The following FAM90A12 variants were observed in gnomAD, a reference collection of about 807,000 sequenced individuals.
FAM90A12 encodes protein FAM90A12.
chr8:8,028,834 G>A, the FAM90A12 span, among the ~76,000 whole-genome samples: 15 of 71,194 alleles, frequency 2.1e-4, no homozygotes, highest in African/African-American at 5.0e-4. Flanking sequence ...TCAAAAGATC[G>A]CGTCTTGGGC....
the FAM90A12 span, chr8:8,028,237 A>C: frequency 9.7e-7 from 1 of 1,034,212 alleles, no homozygotes; most frequent in African/African-American, 1.7e-5. Context: ...CAGTGAGGTC[A>C]CCGCAGGACG....
chr8:8,029,965 C>A, the FAM90A12 span: 1 of 9,574 alleles, frequency 1.0e-4, no homozygotes, highest in African/African-American at 2.0e-4. Context: ...TGCCTTCCAG[C>A]ACTTCATGGG....
chr8:8,028,316 C>A, the FAM90A12 span: 1 of 1,119,934 alleles, frequency 8.9e-7, no homozygotes, highest in Non-Finnish European at 1.2e-6. Context: ...TGGGGAACTT[C>A]TCGGCAGCCA....
At chr8:8,027,889 TG>T in the FAM90A12 span, 1 of 860,978 alleles carries the variant, frequency 1.2e-6, no homozygotes, top group Non-Finnish European at 1.8e-6. Context: ...GGCCGCTGAG[TG>T]ATGGGACATG....
At chr8:8,028,239 C>A in the FAM90A12 span, 43 of 1,038,100 alleles carry the variant, frequency 4.1e-5, 9 homozygotes, top group East Asian at 4.0e-4. Flanking sequence ...GTGAGGTCAC[C>A]GCAGGACGTT....
At chr8:8,028,563 A>G in the FAM90A12 span, 74 of 881,458 alleles carry the variant, frequency 8.4e-5, 14 homozygotes, top group African/African-American at 1.3e-3. Context: ...GCGGCCTCTT[A>G]CTGCTTGTGT....
chr8:8,029,072 A>C, the FAM90A12 span, among the ~76,000 whole-genome samples: 22 of 89,162 alleles, frequency 2.5e-4, no homozygotes, highest in African/African-American at 4.8e-4. Flanking sequence ...GAAAGAAAGC[A>C]ACAGGAAATA....
the FAM90A12 span, chr8:8,028,551 G>A: frequency 3.1e-6 from 3 of 955,676 alleles, no homozygotes; most frequent in African/African-American, 1.8e-5. Context: ...TAGGGTCCAA[G>A]CGCGGCCTCT....
At chr8:8,028,528 C>T in the FAM90A12 span, 13 of 1,063,062 alleles carry the variant, frequency 1.2e-5, no homozygotes, top group East Asian at 2.6e-4. Context: ...GGTAGCTGAG[C>T]GATCAGCGAG....
chr8:8,028,256 G>T, the FAM90A12 span: 389 of 1,015,076 alleles, frequency 3.8e-4, 57 homozygotes, highest in African/African-American at 5.6e-3. Flanking sequence ...CGTTTGTCTT[G>T]TGCCTGGGGT....
At chr8:8,028,948 TC>T in the FAM90A12 span, among the ~76,000 whole-genome samples, 3 of 101,438 alleles carry the variant, frequency 3.0e-5, no homozygotes, top group Non-Finnish European at 6.2e-5. Flanking sequence ...GGACGTCTTC[TC>T]TGAACACATG....
chr8:8,028,770 C>T, the FAM90A12 span, among the ~76,000 whole-genome samples: 79 of 73,420 alleles, frequency 1.1e-3, no homozygotes, highest in African/African-American at 2.9e-3. Context: ...CAGGACAAGA[C>T]ACATGAAAGA....
At chr8:8,028,221 G>A in the FAM90A12 span, 7 of 1,009,244 alleles carry the variant, frequency 6.9e-6, no homozygotes, top group African/African-American at 9.0e-5. Flanking sequence ...CGGCTGGCGG[G>A]CAGGGCAGTG....
At chr8:8,028,852 G>C in the FAM90A12 span, among the ~76,000 whole-genome samples, 3 of 81,150 alleles carry the variant, frequency 3.7e-5, no homozygotes, top group African/African-American at 1.1e-4. Context: ...GGCATTAACT[G>C]GATCAAAGCG....
At chr8:8,028,278 G>A in the FAM90A12 span, 7,542 of 1,136,082 alleles carry the variant, frequency 6.6e-3, 1,259 homozygotes, top group South Asian at 0.017. Context: ...TGGCGGCCTG[G>A]GGCAGTCCGT....
chr8:8,028,275 C>T, the FAM90A12 span: 1,554 of 1,137,214 alleles, frequency 1.4e-3, 362 homozygotes, highest in South Asian at 3.4e-3. Flanking sequence ...GTCTGGCGGC[C>T]TGGGGCAGTC....
At chr8:8,030,204 G>GC in the FAM90A12 span, among the ~76,000 whole-genome samples, 1 of 146,828 alleles carries the variant, frequency 6.8e-6, no homozygotes, top group Admixed American at 6.8e-5. Flanking sequence ...CCCTCGCAAA[G>GC]CCCATGTGAC....
chr8:8,028,850 C>A, the FAM90A12 span, among the ~76,000 whole-genome samples: 1 of 80,758 alleles, frequency 1.2e-5, no homozygotes, highest in Middle Eastern at 6.3e-3. Context: ...TGGGCATTAA[C>A]TGGATCAAAG....
the FAM90A12 span, chr8:8,028,275 C>A: frequency 2.4e-5 from 27 of 1,138,130 alleles, 5 homozygotes; most frequent in African/African-American, 2.0e-4. Context: ...GTCTGGCGGC[C>A]TGGGGCAGTC....
Sources: allele counts gnomAD v4.1 joint callset (sites outside exome capture counted in the v4.1 genomes callset), GRCh38; gene constraint gnomAD v4.1.1; transcripts MANE v1.5; gene names NCBI Gene and HGNC (gene_info 2026-07-23, HGNC 2026-07-21).